EFCAB11: variants seen among roughly 807,000 people sequenced by gnomAD.
EFCAB11 encodes the protein EF-hand calcium binding domain 11, also known as EF-hand calcium-binding domain-containing protein 11.
A neutral mutation model predicts 23.0 loss-of-function variants in EFCAB11; 14 were observed. The observed-to-expected ratio is 0.61, with a 90% CI of 0.40 to 0.95. EFCAB11 has a LOEUF of 0.95. Among genes scored for constraint, EFCAB11 ranks in the 40% least tolerant of loss-of-function variants. EFCAB11 has a pLI of 0.00. For synonymous variants in EFCAB11, 65 were observed against 66.6 expected, an observed-to-expected ratio of 0.98 and a Z score of 0.11; for missense variants, 198 against 195.8, an observed-to-expected ratio of 1.01 and a Z score of -0.07.
At chr14:89,910,434 C>T (rs1260154053) in intron 5 of EFCAB11, among the ~76,000 whole-genome samples, 1 of 152,106 alleles carries the variant, frequency 6.6e-6, no homozygotes, top group African/African-American at 2.4e-5. Context: ...CCTATCTCTA[C>T]TAAAAATACA....
intron 5 of EFCAB11, among the ~76,000 whole-genome samples, chr14:89,865,612 C>T (rs768084593): frequency 6.6e-6 from 1 of 152,028 alleles, no homozygotes; most frequent in African/African-American, 2.4e-5. Flanking sequence ...AGTGATCTTC[C>T]CACCTCGGCC....
At chr14:89,894,759 T>C (rs1889107133) in intron 5 of EFCAB11, among the ~76,000 whole-genome samples, 1 of 152,128 alleles carries the variant, frequency 6.6e-6, no homozygotes, top group African/African-American at 2.4e-5. Context: ...TCCTTAAAAA[T>C]CTACAAAGTT....
intron 5 of EFCAB11, among the ~76,000 whole-genome samples, chr14:89,903,580 G>A (rs986660332): frequency 2.0e-5 from 3 of 151,304 alleles, no homozygotes; most frequent in African/African-American, 7.3e-5. Context: ...AGAAGGGGGG[G>A]GGCAATTCTG....
chr14:89,797,251 C>T lies in EFCAB11; in HGVS notation c.484G>A (p.Glu162Lys). The T allele has an allele frequency of 8.7e-6, 14 of 1,613,240 alleles. No individual in the cohort carries two copies. The highest frequency in any genetic ancestry group is 1.2e-5 in the Non-Finnish European group (14 of 1,179,704). ...FEYALNYGQKEA is the reference protein window; with the variant it reads ...FEYALNYGQKKA The stretch of plus-strand genomic sequence containing the variant: ...AAAGTAGTTCACAATAGTTAGGCTT[C>T]CTTCTGTCCATAGTTCAGGGCATAT... The change falls in exon 6 of 6, where the codon GAA becomes AAA. Residue 162 changes from glutamate to lysine, a missense_variant. Transcript: ENST00000316738.
At chr14:89,891,609 A>C (rs1396271293) in intron 5 of EFCAB11, among the ~76,000 whole-genome samples, 1 of 152,220 alleles carries the variant, frequency 6.6e-6, no homozygotes, top group Non-Finnish European at 1.5e-5. Context: ...ATTCTCCCTA[A>C]TTCACTGTAT....
At chr14:89,809,631 G>A (rs375658276) in intron 5 of EFCAB11, among the ~76,000 whole-genome samples, 21 of 152,308 alleles carry the variant, frequency 1.4e-4, no homozygotes, top group African/African-American at 5.1e-4. Context: ...TTATGCTCAA[G>A]CACAGACGCA....
chr14:89,909,011 C>T (rs1889579285), intron 5 of EFCAB11, among the ~76,000 whole-genome samples: 1 of 152,122 alleles, frequency 6.6e-6, no homozygotes, highest in African/African-American at 2.4e-5. Flanking sequence ...AGTTGGTGCT[C>T]CAGATGACAC....
chr14:89,950,293 A>G (rs752054732), intron 2 of EFCAB11, 151 bp from the exon 3 acceptor site: 1 of 799,164 alleles, frequency 1.3e-6, no homozygotes, highest in Non-Finnish European at 1.9e-6. Flanking sequence ...AATAGCTATA[A>G]TAGTCATTTT....
chr14:89,944,351 C>T (rs969772391), intron 3 of EFCAB11, among the ~76,000 whole-genome samples: 1 of 152,148 alleles, frequency 6.6e-6, no homozygotes, highest in African/African-American at 2.4e-5. Flanking sequence ...CCCCATTATT[C>T]AATTATCTCC....
chr14:89,953,812 T>A lies in EFCAB11; in HGVS notation c.171+94A>T, dbSNP rs115805909. ...TCTCTGAAATTGCTTATAAAGCAATTTATAAACATCCTAAGCTAGCCCTGT... is the reference window on the plus strand; with the variant it reads ...TCTCTGAAATTGCTTATAAAGCAATATATAAACATCCTAAGCTAGCCCTGT... On this transcript the variant is annotated intron_variant, in intron 2 of 5. Transcript: ENST00000316738. The A allele has an allele frequency of 1.1e-3, 1,176 of 1,042,806 alleles. 15 individuals carry two copies. In the African/African-American group the frequency reaches 0.018, roughly 16 times the overall value. 64.6% of individuals were successfully genotyped at this position (1,042,806 alleles called of 1,614,324 possible).
rs544537366 is a variant in EFCAB11, at chr14:89,925,610, C to T, written c.410+5931G>A. Among the ~76,000 whole-genome samples, 7 of 151,682 alleles carry T rather than the reference C, an allele frequency of 4.6e-5. No individual in the cohort carries two copies. In the South Asian group the frequency reaches 1.5e-3, roughly 32 times the overall value. On this transcript the variant is annotated intron_variant, in intron 5 of 5. Coordinates refer to ENST00000316738, the MANE Select transcript of EFCAB11 (RefSeq NM_145231.4). ...CAGTACACAAACACACAAATTGTGA[C>T]TACCAGCTCTAAGAGGAATACAAAG...
At chr14:89,863,696 T>G (rs542616707) in intron 5 of EFCAB11, among the ~76,000 whole-genome samples, 5 of 152,366 alleles carry the variant, frequency 3.3e-5, no homozygotes, top group African/African-American at 1.2e-4. Context: ...AAATGTTTGT[T>G]GAGCATATGC....
At chr14:89,928,906 A>G (rs964063414) in intron 5 of EFCAB11, among the ~76,000 whole-genome samples, 3 of 147,616 alleles carry the variant, frequency 2.0e-5, no homozygotes, top group Non-Finnish European at 4.5e-5. Flanking sequence ...ACATTTATAT[A>G]ATTCCAATCA....
intron 3 of EFCAB11, among the ~76,000 whole-genome samples, chr14:89,940,930 A>T (rs1039202735): frequency 6.6e-6 from 1 of 152,226 alleles, no homozygotes; most frequent in African/African-American, 2.4e-5. Flanking sequence ...TCTACAATTT[A>T]TTCTGGAATA....
At chr14:89,927,714 T>C (rs756511155) in intron 5 of EFCAB11, among the ~76,000 whole-genome samples, 1 of 151,704 alleles carries the variant, frequency 6.6e-6, no homozygotes, top group Non-Finnish European at 1.5e-5. Flanking sequence ...CTTCCTTTAA[T>C]ATGTGTTATT....
chr14:89,835,430 A>T (rs1175222302), intron 5 of EFCAB11, among the ~76,000 whole-genome samples: 1 of 152,212 alleles, frequency 6.6e-6, no homozygotes, highest in Non-Finnish European at 1.5e-5. Context: ...GTAATTTTAT[A>T]TAATATTTTC....
intron 5 of EFCAB11, among the ~76,000 whole-genome samples, chr14:89,806,909 T>C (rs1389536678): frequency 6.6e-6 from 1 of 152,202 alleles, no homozygotes; most frequent in Non-Finnish European, 1.5e-5. Context: ...TAGCCATGTT[T>C]AGCCTTTTAA....
intron 5 of EFCAB11, among the ~76,000 whole-genome samples, chr14:89,808,700 G>T (rs953692415): frequency 1.3e-5 from 2 of 152,140 alleles, no homozygotes; most frequent in African/African-American, 4.8e-5. Context: ...AATAACATTT[G>T]ATAATGAAAC....
intron 5 of EFCAB11, among the ~76,000 whole-genome samples, chr14:89,814,908 A>G (rs1209912258): frequency 6.6e-6 from 1 of 152,156 alleles, no homozygotes; most frequent in Non-Finnish European, 1.5e-5. Flanking sequence ...CATTGGACAA[A>G]GAAAGGAACG....
Sources: gnomAD v4.1 joint callset for allele counts (sites outside exome capture counted in the v4.1 genomes callset) on GRCh38, gnomAD v4.1.1 for gene constraint, MANE v1.5 for transcripts, NCBI Gene and HGNC (gene_info 2026-07-23, HGNC 2026-07-21) for gene names.